Variants in BNC2 observed in about 807,000 individuals in gnomAD.
BNC2 encodes basonuclin zinc finger protein 2.
Under a neutral mutation model 76.3 loss-of-function variants are expected in BNC2, and 20 were observed. The ratio of observed to expected loss-of-function variants is 0.26; its 90% CI spans 0.18 to 0.38. BNC2 has a LOEUF of 0.38. BNC2 is among the 10% of genes least tolerant of loss of function. BNC2 has a pLI of 1.00. For missense variants in BNC2, 1,382 were observed against 1,399.8 expected (o/e 0.99, Z 0.20); for synonymous variants, 582 against 514.8 (o/e 1.13, Z -1.77).
intron 3 of BNC2, among the ~76,000 whole-genome samples, chr9:16,616,938 C>T (rs1036626851): frequency 3.3e-5 from 5 of 152,070 alleles, no homozygotes; most frequent in African/African-American, 1.2e-4. Flanking sequence ...GTTGCCACCA[C>T]TTGTGCAAGT....
chr9:16,579,976 T>G (rs1325495184), intron 4 of BNC2: 1 of 397,118 alleles, frequency 2.5e-6, no homozygotes, highest in Non-Finnish European at 4.4e-6. Flanking sequence ...GGGCAATGTA[T>G]CTTGGTAGTT....
chr9:16,766,008 C>G (rs898511408), intron 1 of BNC2, among the ~76,000 whole-genome samples: 1 of 152,036 alleles, frequency 6.6e-6, no homozygotes, highest in Non-Finnish European at 1.5e-5. Flanking sequence ...AGGATGTTCT[C>G]GATCTCCTGA....
In BNC2 at chr9:16,678,267, C is replaced by CTTTTTTTTTTTTTTTTT. The variant is rs140809930; in HGVS notation, c.330+49513_330+49529dup. The stretch of plus-strand genomic sequence containing the variant: ...ACTTGTAACTGTTTTCTTTCTTTTT[C>CTTTTTTTTTTTTTTTTT]TTTTTTTTTTTTTTTTTTTTTTTTT... On this transcript the variant is annotated intron_variant, in intron 3 of 6. Transcript: ENST00000380672. Among the ~76,000 whole-genome samples, 127 of 80,728 alleles carry CTTTTTTTTTTTTTTTTT rather than the reference C, an allele frequency of 1.6e-3. 3 individuals carry two copies. Among genetic ancestry groups the CTTTTTTTTTTTTTTTTT allele is most frequent in the Non-Finnish European group, 1.8e-3 (82 of 45,168 alleles). The allele number at this position is 80,728 out of a possible 152,430, so 53.0% of individuals were successfully genotyped here. A position where few individuals can be genotyped will look rare whatever the true frequency, so the allele number is the denominator to read the frequency against.
chr9:16,727,186 G>A (rs1457217292), intron 3 of BNC2: 2 of 152,910 alleles, frequency 1.3e-5, no homozygotes, highest in African/African-American at 4.8e-5. Context: ...GGGCGCAGAG[G>A]GCTGGCTGGC....
chr9:16,659,405 T>C (rs7032830), intron 3 of BNC2, among the ~76,000 whole-genome samples: 2,254 of 152,006 alleles, frequency 0.015, 61 homozygotes, highest in African/African-American at 0.049. Flanking sequence ...GTCAGGAGAT[T>C]GAGACCATCC....
intron 1 of BNC2, among the ~76,000 whole-genome samples, chr9:16,745,594 T>C (rs1824977137): frequency 6.6e-6 from 1 of 152,222 alleles, no homozygotes; most frequent in Non-Finnish European, 1.5e-5. Flanking sequence ...AAGTTCATGA[T>C]GCCTGGCCTA....
chr9:16,529,739 A>C (rs1389808899), intron 5 of BNC2, among the ~76,000 whole-genome samples: 1 of 152,212 alleles, frequency 6.6e-6, no homozygotes, highest in African/African-American at 2.4e-5. Context: ...TCTAAGGATG[A>C]AAAGTTTCAT....
intron 3 of BNC2, among the ~76,000 whole-genome samples, chr9:16,718,063 G>A (rs970600748): frequency 6.6e-6 from 1 of 152,166 alleles, no homozygotes; most frequent in Non-Finnish European, 1.5e-5. Context: ...CCGGGATGCA[G>A]GATATGGGAT....
chr9:16,652,471 T>G (rs1053350041), intron 3 of BNC2, among the ~76,000 whole-genome samples: 2 of 138,226 alleles, frequency 1.4e-5, no homozygotes, highest in Non-Finnish European at 3.1e-5. Flanking sequence ...ATGCCTTACT[T>G]GTTATTTTTA....
chr9:16,627,951 T>C (rs1190698144), intron 3 of BNC2, among the ~76,000 whole-genome samples: 1 of 152,200 alleles, frequency 6.6e-6, no homozygotes, highest in Non-Finnish European at 1.5e-5. Flanking sequence ...TCATTTGTCT[T>C]ATGAGGTACA....
intron 3 of BNC2, among the ~76,000 whole-genome samples, chr9:16,654,019 G>A (rs894486560): frequency 3.3e-5 from 5 of 151,768 alleles, no homozygotes; most frequent in African/African-American, 1.2e-4. Flanking sequence ...ACAGCTACTT[G>A]TCACTCAATA....
chr9:16,435,404 A>G, intron 6 of BNC2, 151 bp downstream of exon 6: 1 of 942,804 alleles, frequency 1.1e-6, no homozygotes, highest in South Asian at 1.4e-5. Flanking sequence ...CTTCATGAGC[A>G]TGGCAGCCTA....
chr9:16,851,057 A>G (rs1819116122), intron 1 of BNC2, among the ~76,000 whole-genome samples: 1 of 152,140 alleles, frequency 6.6e-6, no homozygotes, highest in East Asian at 1.9e-4. Context: ...AAATAATAAT[A>G]CTTATTTGTA....
chr9:16,577,026 G>A (rs1334661690), intron 4 of BNC2, among the ~76,000 whole-genome samples: 10 of 152,088 alleles, frequency 6.6e-5, no homozygotes, highest in African/African-American at 9.7e-5. Context: ...GTGAGCCACC[G>A]CGCCTGGCCC....
At chr9:16,848,475 G>C (rs542605987) in intron 1 of BNC2, among the ~76,000 whole-genome samples, 53 of 152,312 alleles carry the variant, frequency 3.5e-4, no homozygotes, top group African/African-American at 1.2e-3. Flanking sequence ...ACATGACAAT[G>C]AATTATGAAC....
Position 16,738,485 on chromosome 9 carries a change from C to A in BNC2, c.4G>T (p.Ala2Ser), listed in dbSNP as rs769895835. 3.7e-6 allele frequency: 6 copies of A among 1,613,732 alleles called. No homozygotes were observed. The highest frequency in any genetic ancestry group is 5.1e-6 in the Non-Finnish European group (6 of 1,179,902). The change falls in exon 2 of 7, where the codon GCA becomes TCA. Residue 2 changes from alanine (A) to serine (S), a missense_variant and splice_region_variant. By Grantham distance (99) the Ala-to-Ser change is moderately conservative. Around this residue, in one of 3 missense-constraint regions of BNC2, gnomAD observed 557 missense variants for 540.9 expected, o/e 1.03. Transcript: ENST00000380672. ...GGAGGTGGGGTGGGCCCAAGGTGTG[C>A]CTATTGAGAGATTGGGAAAGGAAAT... MAHLGPTPPPHS... is the reference protein window; with the variant it reads MSHLGPTPPPHS...
At chr9:16,453,324 A>G (rs2131097860) in intron 5 of BNC2, among the ~76,000 whole-genome samples, 1 of 152,306 alleles carries the variant, frequency 6.6e-6, no homozygotes, top group African/African-American at 2.4e-5. Context: ...AAGCAGTTTG[A>G]GTTGAGCCCT....
intron 3 of BNC2, among the ~76,000 whole-genome samples, chr9:16,690,222 G>A (rs1171183426): frequency 6.6e-6 from 1 of 152,112 alleles, no homozygotes; most frequent in Non-Finnish European, 1.5e-5. Context: ...AATTGGATGT[G>A]GTGGATCACA....
chr9:16,810,433 C>T (rs1586901974), intron 1 of BNC2, among the ~76,000 whole-genome samples: 1 of 152,184 alleles, frequency 6.6e-6, no homozygotes, highest in Admixed American at 6.5e-5. Context: ...ACAGGCTAGG[C>T]GTCCCACAGA....
Sources: allele counts gnomAD v4.1 joint callset (sites outside exome capture counted in the v4.1 genomes callset), GRCh38; gene constraint gnomAD v4.1.1; regional missense constraint gnomAD v4.1.1; transcripts MANE v1.5; gene names NCBI Gene and HGNC (gene_info 2026-07-23, HGNC 2026-07-21).